The following RYR2 variants were observed in gnomAD, a reference collection of about 807,000 sequenced individuals.
The protein encoded by RYR2 is ryanodine receptor 2.
In RYR2, 227 loss-of-function variants were observed where a neutral mutation model predicts 601.1. The ratio of observed to expected loss-of-function variants is 0.38; its 90% CI spans 0.34 to 0.42. The LOEUF is 0.42. Among genes scored for constraint, RYR2 ranks in the 10% least tolerant of loss-of-function variants. The pLI, the probability that RYR2 is intolerant of heterozygous loss-of-function variation, is 1.00. For synonymous variants in RYR2, 2,223 were observed against 2,175.1 expected, an observed-to-expected ratio of 1.02 and a Z score of -0.61; for missense variants, 4,646 against 6,156.5, an observed-to-expected ratio of 0.75 and a Z score of 8.21.
chr1:237,208,362 G>A (rs1682047585), intron 1 of RYR2, among the ~76,000 whole-genome samples: 1 of 152,108 alleles, frequency 6.6e-6, no homozygotes. Context: ...GTTTATGTGT[G>A]TGTTTTCCTC....
intron 1 of RYR2, among the ~76,000 whole-genome samples, chr1:237,143,865 A>T (rs1673666832): frequency 6.6e-6 from 1 of 152,208 alleles, no homozygotes; most frequent in Non-Finnish European, 1.5e-5. Context: ...CAGTTTACTT[A>T]TTGAATAAAT....
At chr1:237,121,049 T>TGC (rs1038006788) in intron 1 of RYR2, 1 of 151,848 alleles carries the variant, frequency 6.6e-6, no homozygotes, top group Non-Finnish European at 1.5e-5. Flanking sequence ...TGTGTGTGTG[T>TGC]GTGCACATGT....
At chr1:237,346,696 T>C (rs2149647127) in intron 3 of RYR2, among the ~76,000 whole-genome samples, 1 of 152,246 alleles carries the variant, frequency 6.6e-6, no homozygotes, top group East Asian at 1.9e-4. Context: ...AGTTAGGAAA[T>C]TGGGCTAATG....
chr1:237,323,213 T>C (rs1378168268), intron 2 of RYR2, among the ~76,000 whole-genome samples: 1 of 152,154 alleles, frequency 6.6e-6, no homozygotes, highest in Non-Finnish European at 1.5e-5. Context: ...CCAGTCTGCC[T>C]GAAGTGAGTT....
intron 2 of RYR2, among the ~76,000 whole-genome samples, chr1:237,305,534 C>T (rs780311667): frequency 8.5e-5 from 13 of 152,268 alleles, no homozygotes; most frequent in South Asian, 2.1e-4. Context: ...CAGGCTCAAG[C>T]GATCCTCCCA....
At chr1:237,108,368 T>C (rs1008956213) in intron 1 of RYR2, among the ~76,000 whole-genome samples, 3 of 152,176 alleles carry the variant, frequency 2.0e-5, no homozygotes, top group Admixed American at 6.5e-5. Flanking sequence ...GGTCAAAATG[T>C]CCTCATAGAG....
At chr1:237,473,270 A>C (rs184958015) in intron 17 of RYR2, among the ~76,000 whole-genome samples, 9 of 152,080 alleles carry the variant, frequency 5.9e-5, no homozygotes, top group Non-Finnish European at 7.4e-5. Flanking sequence ...CTAAAAATAC[A>C]AAAATTAGCA....
intron 17 of RYR2, among the ~76,000 whole-genome samples, chr1:237,469,965 T>A (rs552644052): frequency 6.6e-6 from 1 of 152,352 alleles, no homozygotes; most frequent in East Asian, 1.9e-4. Flanking sequence ...TTATTTGAAC[T>A]TGTTAGAGCT....
intron 56 of RYR2, among the ~76,000 whole-genome samples, chr1:237,665,269 C>A (rs529862579): frequency 6.6e-6 from 1 of 151,788 alleles, no homozygotes; most frequent in Non-Finnish European, 1.5e-5. Flanking sequence ...GACAGAGATG[C>A]GTGCCTGTAA....
intron 1 of RYR2, among the ~76,000 whole-genome samples, chr1:237,170,014 A>G (rs561070475): frequency 7.2e-5 from 11 of 152,242 alleles, no homozygotes; most frequent in Non-Finnish European, 1.3e-4. Flanking sequence ...AATGGTGAAC[A>G]AAGTAGATAA....
intron 25 of RYR2, among the ~76,000 whole-genome samples, chr1:237,535,491 A>ACACACACACACT (rs2147979344): frequency 6.8e-6 from 1 of 148,052 alleles, no homozygotes; most frequent in African/African-American, 2.6e-5. Context: ...ACATACACAC[A>ACACACACACACT]CACACACACA....
At chr1:237,581,442 A>C (rs560525685) in intron 29 of RYR2, among the ~76,000 whole-genome samples, 1 of 152,308 alleles carries the variant, frequency 6.6e-6, no homozygotes, top group Admixed American at 6.5e-5. Context: ...TATTTTTGTA[A>C]TTAAAATAGC....
chr1:237,255,111 C>T (rs1449578577), intron 1 of RYR2, among the ~76,000 whole-genome samples: 3 of 152,170 alleles, frequency 2.0e-5, no homozygotes, highest in African/African-American at 2.4e-5. Context: ...TCAATGCCAA[C>T]TGGGAAATTC....
chr1:237,471,186 C>T (rs1459774028), intron 17 of RYR2: 3 of 154,028 alleles, frequency 1.9e-5, no homozygotes, highest in African/African-American at 4.8e-5. Context: ...AACATGGAGC[C>T]GCCATTTTGA....
At chr1:237,333,422 C>T (rs1017120643) in intron 3 of RYR2, among the ~76,000 whole-genome samples, 2 of 152,168 alleles carry the variant, frequency 1.3e-5, no homozygotes, top group Non-Finnish European at 2.9e-5. Context: ...CCAGCCACAG[C>T]GTTGGAGGAG....
chr1:237,722,256 C>T (rs769009636), intron 73 of RYR2, among the ~76,000 whole-genome samples: 2 of 152,002 alleles, frequency 1.3e-5, no homozygotes, highest in African/African-American at 2.4e-5. Flanking sequence ...CTAGTTACAA[C>T]GTCTTGTGTT....
chr1:237,538,965 G>T (rs1227557975), intron 25 of RYR2, among the ~76,000 whole-genome samples: 1 of 152,040 alleles, frequency 6.6e-6, no homozygotes, highest in African/African-American at 2.4e-5. Context: ...GTACTGACTG[G>T]ATTAGGGAGA....
At position 237,666,504 on chromosome 1, in the gene RYR2, T is replaced by TG. The variant is rs148246251; in HGVS notation, c.8437-7dup. On this transcript the variant is annotated splice_region_variant and splice_polypyrimidine_tract_variant and intron_variant, in intron 56 of 104. Transcript: ENST00000366574. ...ATGAGGCACTGTTTTTTCACACAAA[T>TG]GATCTAGGTTTCTGTGGACGCTGCC... 6,815 of 1,609,212 alleles carry TG rather than the reference T, an allele frequency of 4.2e-3. 280 individuals carry two copies. In the African/African-American group the frequency reaches 0.08, roughly 19 times the overall value.
At chr1:237,128,847 C>G (rs186301758) in intron 1 of RYR2, among the ~76,000 whole-genome samples, 22 of 152,082 alleles carry the variant, frequency 1.4e-4, no homozygotes, top group Admixed American at 5.2e-4. Flanking sequence ...AGGTTGGATT[C>G]CGGATATATT....
Sources: allele counts gnomAD v4.1 joint callset (sites outside exome capture counted in the v4.1 genomes callset), GRCh38; gene constraint gnomAD v4.1.1; transcripts MANE v1.5; gene names NCBI Gene and HGNC (gene_info 2026-07-23, HGNC 2026-07-21).